The following CRACD variants were observed in gnomAD, a reference collection of about 807,000 sequenced individuals.
CRACD encodes the protein capping protein inhibiting regulator of actin dynamics, also known as capping protein-inhibiting regulator of actin dynamics.
Under a neutral mutation model 106.8 loss-of-function variants are expected in CRACD, and 56 were observed. The ratio of observed to expected loss-of-function variants is 0.52; its 90% CI spans 0.42 to 0.66. The LOEUF is 0.66. Among genes scored for constraint, CRACD ranks in the 30% least tolerant of loss-of-function variants. CRACD has a pLI of 0.00. For missense variants in CRACD, 1,730 were observed against 1,623.2 expected, an observed-to-expected ratio of 1.07 and a Z score of -1.13; for synonymous variants, 754 against 670.8, an observed-to-expected ratio of 1.12 and a Z score of -1.92.
chr4:56,060,774 G>A (rs1297845130), intron 1 of CRACD, among the ~76,000 whole-genome samples: 1 of 152,110 alleles, frequency 6.6e-6, no homozygotes, highest in Non-Finnish European at 1.5e-5. Flanking sequence ...TCGTGAGGGT[G>A]GAATCCTGAT....
chr4:56,148,431 C>T (rs1735470609), intron 1 of CRACD, among the ~76,000 whole-genome samples: 2 of 152,110 alleles, frequency 1.3e-5, no homozygotes. Flanking sequence ...GCTGGGACTA[C>T]AGGTGTGTAT....
rs80146146 is a variant in CRACD, at chr4:56,150,775, G to A, written c.-335-28509G>A. The stretch of plus-strand genomic sequence containing the variant: ...ACTACATAAACAATCGACCTAGTCT[G>A]CTATTGATGGATATTTAAGTTATTT... On this transcript the variant is annotated intron_variant, in intron 1 of 10. Transcript: ENST00000682029. Among the ~76,000 whole-genome samples the A allele has an allele frequency of 3.4e-3, 525 of 152,266 alleles. 3 individuals carry two copies. The highest frequency in any genetic ancestry group is 0.012 in the African/African-American group (505 of 41,554).
Position 56,063,199 on chromosome 4 carries a change from AT to A in CRACD, c.-336+13912del, listed in dbSNP as rs777640514. Among the ~76,000 whole-genome samples the A allele has an allele frequency of 6.8e-3, 1,004 of 146,886 alleles. 8 individuals are homozygous for A. The highest frequency in any genetic ancestry group is 0.011 in the Middle Eastern group (3 of 280). Reference sequence around the variant, plus strand: ...TCTTGTTTTTTCCCTTCAAATAATAATTTTTTTTTTTTGAGACAGGGCCATG... The same window carrying A: ...TCTTGTTTTTTCCCTTCAAATAATAATTTTTTTTTTTGAGACAGGGCCATG... On this transcript the variant is annotated intron_variant, in intron 1 of 10. Coordinates refer to ENST00000682029, the MANE Select transcript of CRACD (RefSeq NM_001393381.1).
At position 56,179,368 on chromosome 4, in the gene CRACD, G is replaced by C. The variant is rs1214227819; in HGVS notation, c.-251G>C. The C allele has an allele frequency of 6.6e-6, 1 of 151,904 alleles. No homozygotes were observed. The highest frequency in any genetic ancestry group is 6.6e-5 in the Admixed American group (1 of 15,246). The allele number at this position is 151,904 out of a possible 1,614,324, so 9.4% of individuals were successfully genotyped here. Reference sequence around the variant, plus strand: ...CAGCTGAAGGTGAAGTTTCCCTTTTGCAAGGAGAAAATTTTGGTGGAGAAT... The same window carrying C: ...CAGCTGAAGGTGAAGTTTCCCTTTTCCAAGGAGAAAATTTTGGTGGAGAAT... On this transcript the variant is annotated 5_prime_UTR_variant, in exon 2 of 11. Coordinates refer to ENST00000682029, the MANE Select transcript of CRACD (RefSeq NM_001393381.1).
intron 1 of CRACD, among the ~76,000 whole-genome samples, chr4:56,149,612 A>G (rs1439094957): frequency 6.6e-6 from 1 of 152,246 alleles, no homozygotes; most frequent in Non-Finnish European, 1.5e-5. Context: ...TATAATTTCA[A>G]AGCCAATAAA....
intron 2 of CRACD, among the ~76,000 whole-genome samples, chr4:56,242,158 G>C (rs1051864081): frequency 6.6e-6 from 1 of 152,032 alleles, no homozygotes; most frequent in African/African-American, 2.4e-5. Flanking sequence ...ATTGGGGTGG[G>C]GGATGACTTC....
chr4:56,266,391 A>T lies in CRACD; in HGVS notation c.-188-5930A>T, dbSNP rs1345769256. Among the ~76,000 whole-genome samples, 6 of 152,248 alleles carry T rather than the reference A, an allele frequency of 3.9e-5. No individual in the cohort carries two copies. In the East Asian group the frequency reaches 1.2e-3, roughly 29 times the overall value. ...TCTGGGGCCCACATATTTAACCCTT[A>T]ACTAGAGCTGCAGTGAGGAAAAATA... is the stretch of plus-strand genomic sequence containing the variant. On this transcript the variant is annotated intron_variant, in intron 2 of 10. Coordinates refer to ENST00000682029, the MANE Select transcript of CRACD (RefSeq NM_001393381.1).
intron 2 of CRACD, among the ~76,000 whole-genome samples, chr4:56,214,356 A>C (rs1195140267): frequency 3.9e-5 from 6 of 152,110 alleles, no homozygotes; most frequent in Non-Finnish European, 8.8e-5. Context: ...GCACTTTGGG[A>C]GGCCAAGGTG....
chr4:56,318,510 A>T (rs1332790785), intron 8 of CRACD, among the ~76,000 whole-genome samples: 1 of 152,138 alleles, frequency 6.6e-6, no homozygotes, highest in Non-Finnish European at 1.5e-5. Context: ...TGCCTTCTCC[A>T]AAGAAGTCAT....
chr4:56,273,120 CTG>C (rs1742459264), intron 3 of CRACD, among the ~76,000 whole-genome samples: 1 of 152,106 alleles, frequency 6.6e-6, no homozygotes, highest in Non-Finnish European at 1.5e-5. Flanking sequence ...TTGAAGAAGA[CTG>C]TGTTTCCTTA....
intron 1 of CRACD, among the ~76,000 whole-genome samples, chr4:56,161,135 C>CT (rs1180448024): frequency 2.0e-5 from 3 of 152,082 alleles, no homozygotes; most frequent in Non-Finnish European, 4.4e-5. Flanking sequence ...ATGGTAATAA[C>CT]TAGTTCTCGG....
At chr4:56,221,774 A>G (rs945739712) in intron 2 of CRACD, among the ~76,000 whole-genome samples, 2 of 152,304 alleles carry the variant, frequency 1.3e-5, no homozygotes, top group African/African-American at 4.8e-5. Flanking sequence ...GCCAAGAAAC[A>G]TGTGAAAAAA....
intron 1 of CRACD, among the ~76,000 whole-genome samples, chr4:56,108,454 A>T (rs539676968): frequency 4.6e-5 from 7 of 152,364 alleles, no homozygotes; most frequent in African/African-American, 1.7e-4. Context: ...GGTCCCTGTC[A>T]TGTAGGGACA....
chr4:56,274,486 G>A lies in CRACD; in HGVS notation c.-17+1994G>A, dbSNP rs1240901839. 2.0e-5 allele frequency among the ~76,000 whole-genome samples: 3 copies of A among 152,172 alleles called. No individual in the cohort carries two copies. In the East Asian group the frequency reaches 5.8e-4, roughly 29 times the overall value. On this transcript the variant is annotated intron_variant, in intron 3 of 10. Coordinates refer to ENST00000682029, the MANE Select transcript of CRACD (RefSeq NM_001393381.1). Reference sequence around the variant, plus strand: ...GACTCTTACAGGAATGTGGACCCTGGAGGTTCTCTTCCCATTTAAGTCTTA... The same window carrying A: ...GACTCTTACAGGAATGTGGACCCTGAAGGTTCTCTTCCCATTTAAGTCTTA...
intron 1 of CRACD, among the ~76,000 whole-genome samples, chr4:56,171,264 TAA>T (rs75694991): frequency 1.8e-5 from 2 of 113,286 alleles, no homozygotes. Context: ...TAAAGTATAA[TAA>T]AAAAAAAAAA....
intron 3 of CRACD, among the ~76,000 whole-genome samples, chr4:56,278,725 A>G (rs2109664710): frequency 6.6e-6 from 1 of 152,322 alleles, no homozygotes; most frequent in East Asian, 1.9e-4. Flanking sequence ...ATGGATGGAA[A>G]TATTTGTAAG....
chr4:56,326,370 T>G (rs1016997064), intron 10 of CRACD, among the ~76,000 whole-genome samples: 1 of 152,220 alleles, frequency 6.6e-6, no homozygotes, highest in Non-Finnish European at 1.5e-5. Flanking sequence ...ATGAGTTTCT[T>G]TCAAAATAAA....
intron 4 of CRACD, among the ~76,000 whole-genome samples, chr4:56,303,514 T>C (rs1423179826): frequency 6.6e-6 from 1 of 152,224 alleles, no homozygotes; most frequent in Non-Finnish European, 1.5e-5. Context: ...GCCTGAGTAG[T>C]GGGCAGAATT....
rs570644363 is a variant in CRACD, at chr4:56,108,441, C to T, written c.-336+59142C>T. Among the ~76,000 whole-genome samples the T allele has an allele frequency of 1.1e-3, 171 of 152,278 alleles. 1 individual carries two copies. Among genetic ancestry groups the T allele is most frequent in the South Asian group, 4.2e-4 (2 of 4,818 alleles). ...ATTGACTAGTACTCATCCAAAGTTT[C>T]GAGGTCCCTGTCATGTAGGGACAAG... On this transcript the variant is annotated intron_variant, in intron 1 of 10. Transcript: ENST00000682029.
Sources: gnomAD v4.1 joint callset for allele counts (sites outside exome capture counted in the v4.1 genomes callset) on GRCh38, gnomAD v4.1.1 for gene constraint, MANE v1.5 for transcripts, NCBI Gene and HGNC (gene_info 2026-07-23, HGNC 2026-07-21) for gene names.